The following SORBS2 variants were observed in gnomAD, a reference collection of about 807,000 sequenced individuals.
SORBS2 encodes the protein sorbin and SH3 domain-containing protein 2.
A neutral mutation model predicts 97.7 loss-of-function variants in SORBS2; 46 were observed. The observed-to-expected ratio is 0.47, with a 90% confidence interval of 0.37 to 0.60. The LOEUF (loss-of-function observed/expected upper bound fraction) is 0.60. SORBS2 is among the 20% of genes least tolerant of loss of function. The pLI, the probability that SORBS2 is intolerant of heterozygous loss-of-function variation, is 0.00. For synonymous variants in SORBS2, 476 were observed against 473.4 expected (o/e 1.01, Z -0.07); for missense variants, 1,316 against 1,282.3 (o/e 1.03, Z -0.40).
intron 2 of SORBS2, among the ~76,000 whole-genome samples, chr4:185,710,872 A>C (rs1304329585): frequency 6.6e-6 from 1 of 152,256 alleles, no homozygotes; most frequent in Non-Finnish European, 1.5e-5. Flanking sequence ...GTGCTCTCCC[A>C]GATGCAAACT....
At chr4:185,846,408 A>G (rs10030977) in intron 1 of SORBS2, among the ~76,000 whole-genome samples, 3,314 of 152,292 alleles carry the variant, frequency 0.022, 110 homozygotes, top group African/African-American at 0.076. Flanking sequence ...AAGAAAATCA[A>G]CTGAATGGGG....
chr4:185,867,638 C>G (rs2099227706), intron 1 of SORBS2, among the ~76,000 whole-genome samples: 1 of 152,164 alleles, frequency 6.6e-6, no homozygotes, highest in South Asian at 2.1e-4. Flanking sequence ...AAATGAAACC[C>G]AAATCATCCC....
intron 2 of SORBS2, chr4:185,756,919 A>G: frequency 3.0e-6 from 4 of 1,322,998 alleles, no homozygotes; most frequent in South Asian, 1.2e-5. Context: ...GTCCATATTG[A>G]GTATTTTCAT....
At chr4:185,913,379 A>G (rs2099256379) in intron 1 of SORBS2, among the ~76,000 whole-genome samples, 1 of 152,200 alleles carries the variant, frequency 6.6e-6, no homozygotes, top group Non-Finnish European at 1.5e-5. Flanking sequence ...AAATGTTACC[A>G]TACCTTGATT....
At chr4:185,873,139 T>C (rs2603724) in intron 1 of SORBS2, among the ~76,000 whole-genome samples, 117,398 of 152,166 alleles carry the variant, frequency 0.77, 45,447 homozygotes, top group African/African-American at 0.83. Context: ...CTCACCCAGA[T>C]GAAGACTTAC....
intron 1 of SORBS2, among the ~76,000 whole-genome samples, chr4:185,920,395 G>A (rs948561270): frequency 4.6e-5 from 7 of 152,142 alleles, no homozygotes; most frequent in Non-Finnish European, 1.0e-4. Flanking sequence ...ATCTCCTCTG[G>A]CTGTAACTGG....
At chr4:185,601,465 T>C (rs954704718) in intron 12 of SORBS2, among the ~76,000 whole-genome samples, 3 of 152,156 alleles carry the variant, frequency 2.0e-5, no homozygotes, top group Non-Finnish European at 2.9e-5. Flanking sequence ...CTGGGACCCA[T>C]AGCGGAAGCT....
At chr4:185,838,712 G>A (rs1023853165) in intron 1 of SORBS2, among the ~76,000 whole-genome samples, 5 of 152,082 alleles carry the variant, frequency 3.3e-5, no homozygotes, top group South Asian at 2.1e-4. Context: ...CTATCTCCTC[G>A]CATACAGTAT....
chr4:185,695,943 ACTGT>A (rs1189904732), intron 2 of SORBS2, among the ~76,000 whole-genome samples: 1 of 152,170 alleles, frequency 6.6e-6, no homozygotes, highest in African/African-American at 2.4e-5. Context: ...TAGCGGCATG[ACTGT>A]CCATGCTCAT....
At chr4:185,801,213 C>CT (rs889998536) in intron 1 of SORBS2, among the ~76,000 whole-genome samples, 7 of 152,282 alleles carry the variant, frequency 4.6e-5, no homozygotes, top group Non-Finnish European at 1.0e-4. Context: ...GGATTTTCTT[C>CT]TTTTTTAGGG....
chr4:185,906,394 C>A (rs2099250848), intron 1 of SORBS2, among the ~76,000 whole-genome samples: 1 of 152,174 alleles, frequency 6.6e-6, no homozygotes, highest in South Asian at 2.1e-4. Flanking sequence ...GCCACTCTAT[C>A]CAAAACTGGG....
intron 1 of SORBS2, among the ~76,000 whole-genome samples, chr4:185,791,406 A>C (rs2099079405): frequency 6.6e-6 from 1 of 152,102 alleles, no homozygotes; most frequent in Non-Finnish European, 1.5e-5. Flanking sequence ...GAGGGCCATG[A>C]CTTCTGTTTT....
intron 1 of SORBS2, among the ~76,000 whole-genome samples, chr4:185,778,818 G>A (rs2099013231): frequency 6.6e-6 from 1 of 151,562 alleles, no homozygotes; most frequent in Non-Finnish European, 1.5e-5. Context: ...CCCAAAAGAG[G>A]ATCTTGTTAA....
At chr4:185,841,059 C>A (rs187503691) in intron 1 of SORBS2, among the ~76,000 whole-genome samples, 5 of 144,950 alleles carry the variant, frequency 3.4e-5, no homozygotes, top group Non-Finnish European at 5.9e-5. Context: ...GTGGGTGAGA[C>A]GAAGCAAAGC....
At chr4:185,830,869 C>T (rs1187991726) in intron 1 of SORBS2, among the ~76,000 whole-genome samples, 1 of 152,184 alleles carries the variant, frequency 6.6e-6, no homozygotes, top group Non-Finnish European at 1.5e-5. Flanking sequence ...CTATTTTTCT[C>T]ACGGCCTCTG....
intron 1 of SORBS2, among the ~76,000 whole-genome samples, chr4:185,937,623 C>T (rs1464049094): frequency 6.6e-6 from 1 of 152,088 alleles, no homozygotes; most frequent in Admixed American, 6.6e-5. Context: ...GGCTCTACAT[C>T]CTTGGTTCAG....
chr4:185,930,430 G>A (rs1440122214), intron 1 of SORBS2, among the ~76,000 whole-genome samples: 1 of 151,840 alleles, frequency 6.6e-6, no homozygotes, highest in Non-Finnish European at 1.5e-5. Context: ...GAGTAGCTGG[G>A]ACTACAGGCG....
intron 1 of SORBS2, among the ~76,000 whole-genome samples, chr4:185,909,559 G>T (rs1002032155): frequency 7.1e-6 from 1 of 141,686 alleles, no homozygotes; most frequent in Non-Finnish European, 1.6e-5. Context: ...TAAATAAAAG[G>T]GTAAAAAAAA....
chr4:185,839,756 A>G (rs2099210373), intron 1 of SORBS2, among the ~76,000 whole-genome samples: 1 of 152,208 alleles, frequency 6.6e-6, no homozygotes, highest in Non-Finnish European at 1.5e-5. Flanking sequence ...GTACAAACTG[A>G]AATATTCAGT....
Sources: allele counts gnomAD v4.1 joint callset (sites outside exome capture counted in the v4.1 genomes callset), GRCh38; gene constraint gnomAD v4.1.1; transcripts MANE v1.5; gene names NCBI Gene and HGNC (gene_info 2026-07-23, HGNC 2026-07-21).